KPNB1: variants seen among roughly 807,000 people sequenced by gnomAD.
The protein encoded by KPNB1 is karyopherin subunit beta 1.
In KPNB1, 7 loss-of-function variants were observed where a neutral mutation model predicts 113.0. The ratio of observed to expected loss-of-function variants is 0.06; its 90% confidence interval spans 0.04 to 0.12. KPNB1 has a LOEUF of 0.12. Ranked by LOEUF, KPNB1 falls within the 10% of genes least tolerant of loss-of-function variation. The pLI, the probability that KPNB1 is intolerant of heterozygous loss-of-function variation, is 1.00. For synonymous variants in KPNB1, 363 were observed against 378.6 expected, an observed-to-expected ratio of 0.96 and a Z score of 0.48; for missense variants, 400 against 1,054.8, an observed-to-expected ratio of 0.38 and a Z score of 8.60.
chr17:47,682,290 A>G, intron 21 of KPNB1, 114 bp from the exon 22 acceptor site: 1 of 743,548 alleles, frequency 1.3e-6, no homozygotes, highest in South Asian at 1.5e-5. Context: ...AATCCTTGAA[A>G]TGTTGACAAA....
At chr17:47,668,654 T>TA (rs1266070543) in intron 10 of KPNB1, among the ~76,000 whole-genome samples, 1 of 152,152 alleles carries the variant, frequency 6.6e-6, no homozygotes, top group Non-Finnish European at 1.5e-5. Context: ...TGCCCAGAAA[T>TA]ACCACTCTTA....
At chr17:47,660,590 T>G (rs1457622674) in intron 5 of KPNB1, among the ~76,000 whole-genome samples, 1 of 152,210 alleles carries the variant, frequency 6.6e-6, no homozygotes, top group African/African-American at 2.4e-5. Context: ...CCAGAGCAAA[T>G]GGCAATTCTA....
Position 47,680,220 on chromosome 17 carries a change from C to T in KPNB1, c.2468+86C>T, listed in dbSNP as rs949725220. 35 of 972,254 alleles carry T rather than the reference C, an allele frequency of 3.6e-5. 1 individual carries two copies. Among genetic ancestry groups the T allele is most frequent in the South Asian group, 1.1e-4 (8 of 72,996 alleles). 60.2% of individuals were successfully genotyped at this position (972,254 alleles called of 1,614,324 possible). ...GGAGTAAGGAGTTTTGAGAGTATCG[C>T]GGATGGCAACAGTTCACTTTTTTGG... On this transcript the variant is annotated intron_variant, in intron 20 of 21. Transcript: ENST00000290158.
At position 47,657,598 on chromosome 17, in the gene KPNB1, G is replaced by A. The variant is rs533133703; in HGVS notation, c.483+538G>A. On this transcript the variant is annotated intron_variant, in intron 4 of 21. Transcript: ENST00000290158. The stretch of plus-strand genomic sequence containing the variant: ...TGACCCAGACTTAGACTCCCTAGAT[G>A]TGCCTAGGTGTCGATCCTTGGCCTT... Among the ~76,000 whole-genome samples the A allele has an allele frequency of 3.2e-4, 49 of 152,290 alleles. 1 individual carries two copies. Among genetic ancestry groups the A allele is most frequent in the African/African-American group, 9.4e-4 (39 of 41,572 alleles).
intron 20 of KPNB1, 103 bp downstream of exon 20, chr17:47,680,237 CT>C: frequency 5.8e-6 from 5 of 854,816 alleles, no homozygotes; most frequent in African/African-American, 1.7e-5. Context: ...CAACAGTTCA[CT>C]TTTTTGGCAC....
chr17:47,665,032 T>A, intron 8 of KPNB1, 25 bp from the exon 9 acceptor site: 2 of 1,603,966 alleles, frequency 1.2e-6, no homozygotes, highest in Non-Finnish European at 1.7e-6. Flanking sequence ...TGCTTTTGTC[T>A]AGAATTTGCT....
rs1335559982 is a variant in KPNB1 at position 47,685,460 on chromosome 17, A to G, written c.*3056A>G. Reference sequence around the variant, plus strand: ...ACTCGATTAACCAAAACCGATAACCACCACCTTTATCTTCTAAATAAAGTC... The same window carrying G: ...ACTCGATTAACCAAAACCGATAACCGCCACCTTTATCTTCTAAATAAAGTC... On this transcript the variant is annotated 3_prime_UTR_variant, in exon 22 of 22. Coordinates refer to ENST00000290158, the MANE Select transcript of KPNB1 (RefSeq NM_002265.6). 6.7e-6 allele frequency: 1 copy of G among 148,188 alleles called. No homozygotes were observed. The highest frequency in any genetic ancestry group is 1.5e-5 in the Non-Finnish European group (1 of 66,994). The allele number at this position is 148,188 out of a possible 1,614,324, so 9.2% of individuals were successfully genotyped here. A position where few individuals can be genotyped will look rare whatever the true frequency, so the allele number is the denominator to read the frequency against.
intron 5 of KPNB1, among the ~76,000 whole-genome samples, chr17:47,660,578 C>T (rs916956050): frequency 2.6e-5 from 4 of 152,156 alleles, no homozygotes; most frequent in Non-Finnish European, 4.4e-5. Flanking sequence ...AGGTCTGAAA[C>T]CCCAGAGCAA....
chr17:47,660,317 A>C (rs1003855603), intron 5 of KPNB1, among the ~76,000 whole-genome samples: 1 of 152,192 alleles, frequency 6.6e-6, no homozygotes, highest in South Asian at 2.1e-4. Flanking sequence ...TTAATATTCC[A>C]TTATATGTAT....
At chr17:47,651,711 T>A (rs1378299257) in intron 2 of KPNB1, among the ~76,000 whole-genome samples, 1 of 152,246 alleles carries the variant, frequency 6.6e-6, no homozygotes, top group Non-Finnish European at 1.5e-5. Context: ...AATTATCTTC[T>A]GCTGTGATTG....
chr17:47,657,084 G>A (rs773644294), intron 4 of KPNB1, 24 bp downstream of exon 4: 2 of 1,590,686 alleles, frequency 1.3e-6, no homozygotes, highest in South Asian at 2.2e-5. Context: ...TAATGTATCT[G>A]GTTTATATAC....
chr17:47,650,042 A>G lies in KPNB1; in HGVS notation c.-203A>G. ...CCCCCGCCGCCAGCAGCCCATTTGG[A>G]GGGAGGAAGTAAGGGAAGAGGAGAG... On this transcript the variant is annotated 5_prime_UTR_variant, in exon 1 of 22. Coordinates refer to ENST00000290158, the MANE Select transcript of KPNB1 (RefSeq NM_002265.6). 1 of 1,356,098 alleles carries G rather than the reference A, an allele frequency of 7.4e-7. No homozygotes were observed. Among genetic ancestry groups the G allele is most frequent in the Admixed American group, 3.7e-5 (1 of 26,956 alleles). The allele number at this position is 1,356,098 out of a possible 1,614,324, so 84.0% of individuals were successfully genotyped here. A position where few individuals can be genotyped will look rare whatever the true frequency, so the allele number is the denominator to read the frequency against.
chr17:47,666,548 ATATAT>A (rs879572411), intron 9 of KPNB1, among the ~76,000 whole-genome samples: 20,298 of 127,942 alleles, frequency 0.16, 1,926 homozygotes, highest in Admixed American at 0.29. Context: ...ATTATATATT[ATATAT>A]TATGTTATAT....
At chr17:47,677,346 C>G (rs1004631946) in intron 17 of KPNB1, among the ~76,000 whole-genome samples, 29 of 151,966 alleles carry the variant, frequency 1.9e-4, no homozygotes, top group African/African-American at 6.8e-4. Context: ...ATGGCAGGCG[C>G]TTGTAATCCC....
At chr17:47,673,595 G>A in intron 14 of KPNB1, 34 bp downstream of exon 14, 1 of 1,496,164 alleles carries the variant, frequency 6.7e-7, no homozygotes, top group South Asian at 1.1e-5. Flanking sequence ...ATAACTCCAG[G>A]TTGGAGAATT....
intron 4 of KPNB1, 78 bp from the exon 5 acceptor site, chr17:47,658,430 T>A: frequency 6.9e-7 from 1 of 1,455,438 alleles, no homozygotes; most frequent in Non-Finnish European, 9.3e-7. Flanking sequence ...AATCCATAGT[T>A]GTTTGAATCC....
At chr17:47,681,266 T>C (rs1402786936) in intron 21 of KPNB1, among the ~76,000 whole-genome samples, 6 of 129,240 alleles carry the variant, frequency 4.6e-5, no homozygotes, top group Non-Finnish European at 8.2e-5. Context: ...TTTCTTCTTC[T>C]TTTTTTTTTT....
chr17:47,684,335 A>G lies in KPNB1; in HGVS notation c.*1931A>G, dbSNP rs2030880532. 1 of 151,500 alleles carries G rather than the reference A, an allele frequency of 6.6e-6. No homozygotes were observed. The highest frequency in any genetic ancestry group is 1.5e-5 in the Non-Finnish European group (1 of 67,972). 9.4% of individuals were successfully genotyped at this position (151,500 alleles called of 1,614,324 possible). A position where few individuals can be genotyped will look rare whatever the true frequency, so the allele number is the denominator to read the frequency against. On this transcript the variant is annotated 3_prime_UTR_variant, in exon 22 of 22. Transcript: ENST00000290158. ...CAGGTTCAAAGTCAAGTGCCGATCT[A>G]TGAACCAGTGTACAAAAAAAAAAAA...
rs1009607461 is a variant in KPNB1, at chr17:47,658,797, C to G, written c.636+137C>G. Reference sequence around the variant, plus strand: ...TAAAAGTATTTGTTTCCAGTTTAGTCGAGTTCGTATTGTGTGAGATATCCC... The same window carrying G: ...TAAAAGTATTTGTTTCCAGTTTAGTGGAGTTCGTATTGTGTGAGATATCCC... On this transcript the variant is annotated intron_variant, in intron 5 of 21. Transcript: ENST00000290158. 1.0e-5 allele frequency: 7 copies of G among 701,572 alleles called. No homozygotes were observed. In the African/African-American group the frequency reaches 1.3e-4, roughly 13 times the overall value. The allele number at this position is 701,572 out of a possible 1,614,324, so 43.5% of individuals were successfully genotyped here.
Sources: gnomAD v4.1 joint callset for allele counts (sites outside exome capture counted in the v4.1 genomes callset) on GRCh38, gnomAD v4.1.1 for gene constraint, MANE v1.5 for transcripts, NCBI Gene and HGNC (gene_info 2026-07-23, HGNC 2026-07-21) for gene names.